The following ADGRL2 variants were observed in gnomAD, a reference collection of about 807,000 sequenced individuals.
ADGRL2 encodes calcium-independent alpha-latrotoxin receptor 2.
A neutral mutation model predicts 157.4 loss-of-function variants in ADGRL2; 44 were observed. That is an observed-to-expected ratio of 0.28 (90% CI 0.22 to 0.36). The LOEUF (loss-of-function observed/expected upper bound fraction) is 0.36. ADGRL2 is among the 10% of genes least tolerant of loss of function. The pLI is 1.00. For missense variants in ADGRL2, 1,510 were observed against 1,768.9 expected, an observed-to-expected ratio of 0.85 and a Z score of 2.63; for synonymous variants, 585 against 624.7, an observed-to-expected ratio of 0.94 and a Z score of 0.95.
chr1:81,726,119 C>A (rs1389920480), intron 1 of ADGRL2, among the ~76,000 whole-genome samples: 1 of 152,230 alleles, frequency 6.6e-6, no homozygotes, highest in African/African-American at 2.4e-5. Context: ...ATTTTCTCTT[C>A]TGTACAGTGT....
intron 2 of ADGRL2, among the ~76,000 whole-genome samples, chr1:81,570,072 C>T (rs1446089398): frequency 3.3e-5 from 5 of 152,134 alleles, no homozygotes; most frequent in African/African-American, 1.2e-4. Context: ...GAAGTCACAA[C>T]ATCATAGTCC....
chr1:81,836,880 T>C lies in ADGRL2; in HGVS notation c.-100-5T>C. 1.5e-6 allele frequency: 1 copy of C among 656,938 alleles called. No individual in the cohort carries two copies. The allele number at this position is 656,938 out of a possible 1,614,324, so 40.7% of individuals were successfully genotyped here. On this transcript the variant is annotated splice_region_variant and splice_polypyrimidine_tract_variant and intron_variant, in intron 1 of 23. Coordinates refer to ENST00000686636, the MANE Select transcript of ADGRL2 (RefSeq NM_001366006.2). ...GAGTAAGTGATGGATTTGTTTGTTT[T>C]TCAGATATGAAGATCAATGATGCAG...
intron 1 of ADGRL2, among the ~76,000 whole-genome samples, 102 bp downstream of exon 1, chr1:81,801,170 A>C (rs1449658057): frequency 6.6e-6 from 1 of 152,208 alleles, no homozygotes; most frequent in African/African-American, 2.4e-5. Context: ...AATGAGTTAT[A>C]GATTATCTGC....
At chr1:81,734,079 C>T (rs2084815655) in intron 1 of ADGRL2, among the ~76,000 whole-genome samples, 1 of 151,916 alleles carries the variant, frequency 6.6e-6, no homozygotes, top group African/African-American at 2.4e-5. Flanking sequence ...GAGTTCGAGA[C>T]CAGACTAACC....
intron 2 of ADGRL2, among the ~76,000 whole-genome samples, chr1:81,903,820 C>T (rs752905467): frequency 1.5e-3 from 215 of 143,352 alleles, no homozygotes; most frequent in South Asian, 3.1e-3. Context: ...TATACACACA[C>T]ACACACACAC....
chr1:81,812,459 A>G (rs1255419956), intron 1 of ADGRL2, among the ~76,000 whole-genome samples: 1 of 151,730 alleles, frequency 6.6e-6, no homozygotes, highest in Admixed American at 6.6e-5. Context: ...CAGATTACAA[A>G]TGTGCCTTAT....
At chr1:81,746,530 T>G (rs2085252222) in intron 1 of ADGRL2, among the ~76,000 whole-genome samples, 1 of 152,140 alleles carries the variant, frequency 6.6e-6, no homozygotes, top group Admixed American at 6.5e-5. Context: ...GCTCAAGGGA[T>G]CCATCTGCCT....
chr1:81,547,448 G>C (rs1336386673), intron 2 of ADGRL2, among the ~76,000 whole-genome samples: 2 of 152,112 alleles, frequency 1.3e-5, no homozygotes, highest in Admixed American at 1.3e-4. Flanking sequence ...GGAGAAGCTG[G>C]AGCAATGTTC....
At chr1:81,412,943 A>G (rs2076972317) in intron 1 of ADGRL2, among the ~76,000 whole-genome samples, 1 of 152,070 alleles carries the variant, frequency 6.6e-6, no homozygotes, top group South Asian at 2.1e-4. Context: ...TCTTTTTTCT[A>G]TTGTTTTATT....
intron 1 of ADGRL2, among the ~76,000 whole-genome samples, chr1:81,715,179 ATT>A (rs36125044): frequency 0.61 from 88,528 of 146,174 alleles, 26,675 homozygotes; most frequent in African/African-American, 0.67. Context: ...AATTTAGTAA[ATT>A]TTTTTTTTTT....
At chr1:81,700,015 G>T (rs2083528662) in intron 1 of ADGRL2, among the ~76,000 whole-genome samples, 1 of 152,140 alleles carries the variant, frequency 6.6e-6, no homozygotes, top group South Asian at 2.1e-4. Flanking sequence ...ACAGTTTCTG[G>T]CTAATGAAAT....
intron 23 of ADGRL2, among the ~76,000 whole-genome samples, chr1:81,988,872 T>G (rs1663954619): frequency 6.6e-6 from 1 of 152,110 alleles, no homozygotes; most frequent in African/African-American, 2.4e-5. Flanking sequence ...GAATTAAATT[T>G]TTTCCTAAAC....
At chr1:81,844,107 T>C (rs2092699664) in intron 2 of ADGRL2, among the ~76,000 whole-genome samples, 1 of 152,154 alleles carries the variant, frequency 6.6e-6, no homozygotes, top group Non-Finnish European at 1.5e-5. Flanking sequence ...ATATCAAATA[T>C]TTAGTAAATA....
intron 2 of ADGRL2, among the ~76,000 whole-genome samples, chr1:81,789,082 G>A (rs992705824): frequency 3.9e-5 from 6 of 152,118 alleles, no homozygotes; most frequent in Non-Finnish European, 8.8e-5. Context: ...ATTAAAAAAT[G>A]AAACAAAACC....
At position 81,386,067 on chromosome 1, in the gene ADGRL2, T is replaced by C. The variant is rs148717784; in HGVS notation, c.-301-58969T>C. On this transcript the variant is annotated intron_variant, in intron 1 of 24. Coordinates refer to the ADGRL2 transcript ENST00000370721. ...TTTGTTTTCTGTTTAAATAGCGCAATCTATTAGGTTTCAATGTCTCTAACT... is the reference window on the plus strand; with the variant it reads ...TTTGTTTTCTGTTTAAATAGCGCAACCTATTAGGTTTCAATGTCTCTAACT... Among the ~76,000 whole-genome samples, 612 of 152,264 alleles carry C rather than the reference T, an allele frequency of 4.0e-3. 6 individuals carry two copies. Among genetic ancestry groups the C allele is most frequent in the African/African-American group, 0.014 (586 of 41,552 alleles).
intron 2 of ADGRL2, among the ~76,000 whole-genome samples, chr1:81,788,722 AT>A (rs113899422): frequency 3.2e-4 from 47 of 147,082 alleles, no homozygotes; most frequent in East Asian, 5.9e-4. Flanking sequence ...GGAAATCCAT[AT>A]TTTTTTTTTT....
chr1:81,800,818 G>T (rs1360425338), upstream of ADGRL2, among the ~76,000 whole-genome samples: 1 of 151,078 alleles, frequency 6.6e-6, no homozygotes, highest in Non-Finnish European at 1.5e-5. Context: ...GTGTTAATGG[G>T]GGGAGCTGGA....
intron 2 of ADGRL2, among the ~76,000 whole-genome samples, chr1:81,482,148 G>A (rs4650557): frequency 0.23 from 34,815 of 152,144 alleles, 4,264 homozygotes; most frequent in East Asian, 0.43. Context: ...TGAGAATTTA[G>A]CACTGCTATG....
At chr1:81,396,103 T>C (rs1307653750) in intron 1 of ADGRL2, among the ~76,000 whole-genome samples, 1 of 152,202 alleles carries the variant, frequency 6.6e-6, no homozygotes, top group Non-Finnish European at 1.5e-5. Flanking sequence ...TTTGGTTGTA[T>C]GGTCATTTTT....
Sources: gnomAD v4.1 joint callset for allele counts (sites outside exome capture counted in the v4.1 genomes callset) on GRCh38, gnomAD v4.1.1 for gene constraint, MANE v1.5 for transcripts, NCBI Gene and HGNC (gene_info 2026-07-23, HGNC 2026-07-21) for gene names.